The following CACNG5 variants were observed in gnomAD, a reference collection of about 807,000 sequenced individuals.
CACNG5 encodes calcium voltage-gated channel auxiliary subunit gamma 5, also known as voltage-dependent calcium channel gamma-5 subunit.
In CACNG5, 18 loss-of-function variants were observed where a neutral mutation model predicts 24.8. That is an observed-to-expected ratio of 0.73 (90% CI 0.50 to 1.08). CACNG5 has a LOEUF of 1.08. Among genes scored for constraint, CACNG5 ranks in the 50% least tolerant of loss-of-function variants. The pLI is 0.00. For missense variants in CACNG5, 349 were observed against 367.9 expected, an observed-to-expected ratio of 0.95 and a Z score of 0.42; for synonymous variants, 157 against 149.1, an observed-to-expected ratio of 1.05 and a Z score of -0.39.
rs1407587926 is a variant in CACNG5 at position 66,892,116 on chromosome 17, A to G, written c.*6876A>G. 6.6e-6 allele frequency among the ~76,000 whole-genome samples: 1 copy of G among 152,208 alleles called. No individual in the cohort carries two copies. The highest frequency in any genetic ancestry group is 2.4e-5 in the African/African-American group (1 of 41,456). On this transcript the variant is annotated 3_prime_UTR_variant, in exon 6 of 6. Transcript: ENST00000533854. Reference sequence around the variant, plus strand: ...GGTGGCATCCCAAACAAAATGCAAGAAAAGGAGGGAGAATGGTGCTGGGTG... The same window carrying G: ...GGTGGCATCCCAAACAAAATGCAAGGAAAGGAGGGAGAATGGTGCTGGGTG...
intron 5 of CACNG5, 31 bp from the exon 6 acceptor site, chr17:66,884,952 G>C: frequency 6.2e-7 from 1 of 1,614,040 alleles, no homozygotes; most frequent in East Asian, 2.2e-5. Context: ...CCCCAGCAGC[G>C]AGCCCATCCT....
chr17:66,883,346 G>T (rs1327195480), intron 4 of CACNG5, among the ~76,000 whole-genome samples: 100 of 152,174 alleles, frequency 6.6e-4, no homozygotes, highest in Non-Finnish European at 1.0e-4. Context: ...TCATTTCAAT[G>T]ATAACAATAA....
rs150132440 is a variant in CACNG5, at chr17:66,891,602, G to A, written c.*6362G>A. Among the ~76,000 whole-genome samples the A allele has an allele frequency of 3.1e-3, 466 of 152,316 alleles. 3 individuals are homozygous for A. The South Asian group carries it at 0.044, about 14-fold the overall frequency. ...TAAGAGTGAGGGTCCCAAGAGACAG[G>A]CAGAAGCTTCATTGCCTTTCTGGAA... On this transcript the variant is annotated 3_prime_UTR_variant, in exon 6 of 6. Transcript: ENST00000533854.
At chr17:66,840,620 A>G (rs181267275) in intron 1 of CACNG5, among the ~76,000 whole-genome samples, 185 of 152,234 alleles carry the variant, frequency 1.2e-3, no homozygotes, top group African/African-American at 4.1e-3. Context: ...CAGGTTCATC[A>G]CTGGAAATGT....
chr17:66,893,726 C>G lies in CACNG5; in HGVS notation c.*8486C>G, dbSNP rs1419197101. ...GGTGTGCCATGGCAGGTGAGACCCG[C>G]CCCCCCAACCCGGCATTCTGAAGCC... On this transcript the variant is annotated 3_prime_UTR_variant, in exon 6 of 6. Coordinates refer to ENST00000533854, the MANE Select transcript of CACNG5 (RefSeq NM_145811.3). Among the ~76,000 whole-genome samples the G allele has an allele frequency of 4.0e-5, 6 of 151,114 alleles. No homozygotes were observed. Among genetic ancestry groups the G allele is most frequent in the African/African-American group, 9.7e-5 (4 of 41,060 alleles).
At chr17:66,835,775 G>A (rs73333253) in intron 1 of CACNG5, among the ~76,000 whole-genome samples, 2,437 of 152,162 alleles carry the variant, frequency 0.016, 74 homozygotes, top group African/African-American at 0.056. Context: ...GATAGGAGGA[G>A]GTGTCCCTGC....
rs373638832 is a variant in CACNG5 at position 66,859,299 on chromosome 17, G to A, written c.-103-17931G>A. Among the ~76,000 whole-genome samples, 27 of 152,264 alleles carry A rather than the reference G, an allele frequency of 1.8e-4. No homozygotes were observed. The East Asian group carries it at 5.0e-3, about 28-fold the overall frequency. ...AGAACTCAGGGCTTATGGCTGTTGT[G>A]TCTGGACCCCCAGCAACCTGTCTAG... On this transcript the variant is annotated intron_variant, in intron 1 of 5. Transcript: ENST00000533854.
intron 5 of CACNG5, 42 bp downstream of exon 5, chr17:66,884,703 C>T (rs1977224405): frequency 2.5e-6 from 4 of 1,614,088 alleles, no homozygotes; most frequent in Admixed American, 1.7e-5. Context: ...TGGGCCTGGG[C>T]ACTGCCCCAC....
rs910420992 is a variant in CACNG5 at position 66,886,075 on chromosome 17, G to A, written c.*835G>A. Reference sequence around the variant, plus strand: ...GAGAATTTTAGAATCGGGCTGGTCTGAGTTCCTATTACCAGACACTGTTTC... The same window carrying A: ...GAGAATTTTAGAATCGGGCTGGTCTAAGTTCCTATTACCAGACACTGTTTC... On this transcript the variant is annotated 3_prime_UTR_variant, in exon 6 of 6. Coordinates refer to ENST00000533854, the MANE Select transcript of CACNG5 (RefSeq NM_145811.3). Among the ~76,000 whole-genome samples, 22 of 152,232 alleles carry A rather than the reference G, an allele frequency of 1.4e-4. No homozygotes were observed. Among genetic ancestry groups the A allele is most frequent in the African/African-American group, 5.3e-4 (22 of 41,460 alleles).
At chr17:66,869,770 G>A (rs1976976746) in intron 1 of CACNG5, among the ~76,000 whole-genome samples, 1 of 152,166 alleles carries the variant, frequency 6.6e-6, no homozygotes, top group South Asian at 2.1e-4. Context: ...CTTCTGTTGT[G>A]TATCAAATTA....
chr17:66,869,291 C>T (rs1976970514), intron 1 of CACNG5, among the ~76,000 whole-genome samples: 1 of 152,012 alleles, frequency 6.6e-6, no homozygotes, highest in South Asian at 2.1e-4. Context: ...ACCAAGTTGG[C>T]CAGGCTGGTC....
chr17:66,838,195 C>A (rs1162010438), intron 1 of CACNG5, among the ~76,000 whole-genome samples: 1 of 151,802 alleles, frequency 6.6e-6, no homozygotes, highest in African/African-American at 2.4e-5. Context: ...TATACCCTGC[C>A]TGGCTGTGCC....
chr17:66,840,369 G>C (rs1239557035), intron 1 of CACNG5, among the ~76,000 whole-genome samples: 1 of 152,184 alleles, frequency 6.6e-6, no homozygotes, highest in Non-Finnish European at 1.5e-5. Context: ...GGCCCTTTCA[G>C]AGTCAGCATC....
rs751327698 is a variant in CACNG5 at position 66,885,084 on chromosome 17, C to T, written c.672C>T (p.Cys224=). 6.2e-7 allele frequency: 1 copy of T among 1,614,240 alleles called. No homozygotes were observed. Among genetic ancestry groups the T allele is most frequent in the Non-Finnish European group, 8.5e-7 (1 of 1,180,030 alleles). The change falls in exon 6 of 6, where the codon TGC becomes TGT. Residue 224 remains cysteine, a synonymous_variant. Coordinates refer to ENST00000533854, the MANE Select transcript of CACNG5 (RefSeq NM_145811.3). Reference sequence around the variant, plus strand: ...TCTACCGCCCTCGGCTGAGCAACTGCTCCGATTACTCAGGCCAGTTCCTAC... The same window carrying T: ...TCTACCGCCCTCGGCTGAGCAACTGTTCCGATTACTCAGGCCAGTTCCTAC... ...PGFYRPRLSN[C]SDYSGQFLHP... is the part of the protein sequence containing the mutation.
Position 66,885,306 on chromosome 17 carries a change from C to T in CACNG5, c.*66C>T, listed in dbSNP as rs1224131112. 3.3e-6 allele frequency: 5 copies of T among 1,504,528 alleles called. No homozygotes were observed. In the East Asian group the frequency reaches 1.1e-4, roughly 34 times the overall value. 93.2% of individuals were successfully genotyped at this position (1,504,528 alleles called of 1,614,324 possible). On this transcript the variant is annotated 3_prime_UTR_variant, in exon 6 of 6. Coordinates refer to ENST00000533854, the MANE Select transcript of CACNG5 (RefSeq NM_145811.3). Reference sequence around the variant, plus strand: ...AACCCTTCCTGTTCTCTCCAGGTGACCCCTGAGCCCCAGGCCTGTGGTTGA... The same window carrying T: ...AACCCTTCCTGTTCTCTCCAGGTGATCCCTGAGCCCCAGGCCTGTGGTTGA...
chr17:66,879,109 C>A (rs750396913), intron 3 of CACNG5, 51 bp downstream of exon 3: 1 of 1,358,430 alleles, frequency 7.4e-7, no homozygotes, highest in Non-Finnish European at 1.1e-6. Flanking sequence ...CAGAGAGGAG[C>A]AAGGCAGAGG....
chr17:66,880,547 C>A lies in CACNG5; in HGVS notation c.284-10C>A. On this transcript the variant is annotated splice_polypyrimidine_tract_variant and intron_variant, in intron 3 of 5. Transcript: ENST00000533854. ...AGGCTGACAGGCCGCCCTTTTGTCC[C>A]GTTAATTAGAGATGATCCGCTCAGC... is the stretch of plus-strand genomic sequence containing the variant. 6.2e-7 allele frequency: 1 copy of A among 1,614,090 alleles called. No individual in the cohort carries two copies. The highest frequency in any genetic ancestry group is 8.5e-7 in the Non-Finnish European group (1 of 1,179,978).
At chr17:66,869,117 TC>T (rs1976968299) in intron 1 of CACNG5, among the ~76,000 whole-genome samples, 1 of 152,188 alleles carries the variant, frequency 6.6e-6, no homozygotes, top group Non-Finnish European at 1.5e-5. Context: ...GGAGTCTCGC[TC>T]TGTCATCCAG....
chr17:66,865,722 T>C (rs1329040957), intron 1 of CACNG5, among the ~76,000 whole-genome samples: 2 of 151,386 alleles, frequency 1.3e-5, no homozygotes, highest in African/African-American at 4.9e-5. Context: ...TTCCACCTCC[T>C]GGGTTCATGC....
Sources: allele counts gnomAD v4.1 joint callset (sites outside exome capture counted in the v4.1 genomes callset), GRCh38; gene constraint gnomAD v4.1.1; transcripts MANE v1.5; gene names NCBI Gene and HGNC (gene_info 2026-07-23, HGNC 2026-07-21).